Variants in PABIR3 observed in about 807,000 individuals in gnomAD.
The protein encoded by PABIR3 is PABIR family member 1.
A neutral mutation model predicts 23.1 loss-of-function variants in PABIR3; 20 were observed. The ratio of observed to expected loss-of-function variants is 0.86; its 90% confidence interval spans 0.61 to 1.26. PABIR3 has a LOEUF of 1.26. Ranked by LOEUF, PABIR3 falls within the 50% of genes most tolerant of loss-of-function variation. PABIR3 has a pLI of 0.00. For synonymous variants in PABIR3, 69 were observed against 68.5 expected, an observed-to-expected ratio of 1.01 and a Z score of -0.04; for missense variants, 189 against 195.4, an observed-to-expected ratio of 0.97 and a Z score of 0.20.
At chrX:134,848,553 A>G (rs2082515663) in intron 8 of PABIR3, among the ~76,000 whole-genome samples, 2 of 112,376 alleles carry the variant, frequency 1.8e-5, no homozygotes, top group East Asian at 2.8e-4. Flanking sequence ...CTAGAACTTT[A>G]AACAACTTCA....
intron 3 of PABIR3, 134 bp downstream of exon 3, chrX:134,814,983 G>C (rs1272190167): frequency 1.5e-5 from 7 of 464,441 alleles, no homozygotes; most frequent in Non-Finnish European, 2.5e-5. Flanking sequence ...TCACCCCCAG[G>C]GTTTCTGATT....
At chrX:134,820,171 A>G (rs1329153917) in intron 3 of PABIR3, among the ~76,000 whole-genome samples, 1 of 111,625 alleles carries the variant, frequency 9.0e-6, no homozygotes, top group African/African-American at 3.2e-5. Flanking sequence ...GTCGAGAAGG[A>G]TATCTATCAA....
intron 9 of PABIR3, among the ~76,000 whole-genome samples, chrX:134,850,312 T>C (rs2082587265): frequency 9.0e-6 from 1 of 111,564 alleles, no homozygotes; most frequent in Non-Finnish European, 1.9e-5. Flanking sequence ...AAATATGCTT[T>C]AATGTTCTTT....
intron 2 of PABIR3, chrX:134,810,174 T>G (rs1264344055): frequency 4.0e-6 from 3 of 752,745 alleles, no homozygotes. Flanking sequence ...TGGATCCTCT[T>G]TAATGTATTA....
At chrX:134,809,918 C>T (rs963078681) in intron 2 of PABIR3, 6 of 753,535 alleles carry the variant, frequency 8.0e-6, no homozygotes, top group Non-Finnish European at 9.4e-6. Flanking sequence ...AAAAAAAATA[C>T]ATTACCTTTT....
At chrX:134,827,907 A>G (rs1244123882) in intron 3 of PABIR3, among the ~76,000 whole-genome samples, 1 of 108,776 alleles carries the variant, frequency 9.2e-6, no homozygotes, top group Non-Finnish European at 1.9e-5. Context: ...CTGTTCTGCC[A>G]TTTGGCTGTG....
In PABIR3 at chrX:134,822,090, C is replaced by G. The variant is rs953859305; in HGVS notation, c.190-7136C>G. ...TCCCTAACCTCCCGCTACTTCTACT[C>G]CCAGCCACCTTCACACCATGACATC... is the stretch of plus-strand genomic sequence containing the variant. On this transcript the variant is annotated intron_variant, in intron 3 of 10. Coordinates refer to ENST00000645433, the MANE Select transcript of PABIR3 (RefSeq NM_001388447.1). 15 of 752,187 alleles carry G rather than the reference C, an allele frequency of 2.0e-5. No homozygotes were observed. In the African/African-American group the frequency reaches 2.8e-4, roughly 14 times the overall value. The allele number at this position is 752,187 out of a possible 1,213,427, so 62.0% of individuals were successfully genotyped here.
At chrX:134,802,010 C>G (rs918287466) in intron 1 of PABIR3, among the ~76,000 whole-genome samples, 1 of 109,245 alleles carries the variant, frequency 9.2e-6, no homozygotes, top group African/African-American at 3.3e-5. Context: ...GAACCACACT[C>G]TCTCGCCGCC....
At chrX:134,802,287 G>A (rs193145280), upstream of PABIR3, among the ~76,000 whole-genome samples, 33 of 111,179 alleles carry the variant, frequency 3.0e-4, no homozygotes, top group Middle Eastern at 4.6e-3. Context: ...GTTTCGCCAT[G>A]TTGGCCAGGC....
intron 9 of PABIR3, among the ~76,000 whole-genome samples, chrX:134,852,444 C>T (rs1362174451): frequency 9.0e-6 from 1 of 110,923 alleles, no homozygotes; most frequent in African/African-American, 3.3e-5. Flanking sequence ...CACTGCACTC[C>T]AGCCTGGGTG....
At chrX:134,847,615 CT>C (rs1039517585) in intron 7 of PABIR3, 140 bp downstream of exon 7, 2 of 480,586 alleles carry the variant, frequency 4.2e-6, no homozygotes, top group African/African-American at 4.8e-5. Context: ...TTTTTCCCTT[CT>C]TTTTCATTTC....
chrX:134,817,585 T>C (rs1018492056), intron 3 of PABIR3, among the ~76,000 whole-genome samples: 6 of 108,072 alleles, frequency 5.6e-5, no homozygotes, highest in African/African-American at 2.0e-4. Flanking sequence ...GTAGACAATA[T>C]TCCTGGTAGA....
chrX:134,844,177 G>A (rs1423563747), intron 4 of PABIR3: 2 of 110,399 alleles, frequency 1.8e-5, no homozygotes, highest in African/African-American at 6.6e-5. Flanking sequence ...CGCCTGCCTC[G>A]GCCTCACAAA....
intron 1 of PABIR3, among the ~76,000 whole-genome samples, chrX:134,798,937 C>A (rs967657108): frequency 8.9e-6 from 1 of 112,236 alleles, no homozygotes; most frequent in Admixed American, 9.4e-5. Flanking sequence ...AACAAACAAA[C>A]CCCACAACCA....
chrX:134,856,232 C>G (rs1375913242), downstream of PABIR3, among the ~76,000 whole-genome samples: 2 of 103,643 alleles, frequency 1.9e-5, no homozygotes, highest in African/African-American at 7.2e-5. Flanking sequence ...TATTGCCAGG[C>G]TGGAGTGCAG....
At chrX:134,814,195 C>T (rs1376321427) in intron 2 of PABIR3, among the ~76,000 whole-genome samples, 1 of 111,100 alleles carries the variant, frequency 9.0e-6, no homozygotes, top group Non-Finnish European at 1.9e-5. Context: ...CAGGTTTACA[C>T]TGAAAATGAT....
At chrX:134,817,051 G>C (rs1280914116) in intron 3 of PABIR3, among the ~76,000 whole-genome samples, 1 of 111,477 alleles carries the variant, frequency 9.0e-6, no homozygotes, top group South Asian at 3.8e-4. Flanking sequence ...GTGCATGCCT[G>C]TAATCCCAGC....
chrX:134,818,934 C>CTTTTTTTT (rs1216993828), intron 3 of PABIR3, among the ~76,000 whole-genome samples: 25 of 77,050 alleles, frequency 3.2e-4, no homozygotes, highest in Non-Finnish European at 4.2e-4. Flanking sequence ...TTTTTTCTTT[C>CTTTTTTTT]TTTTTTTTTT....
upstream of PABIR3, chrX:134,807,061 G>A (rs1483267112): frequency 2.2e-5 from 11 of 491,901 alleles, no homozygotes; most frequent in Admixed American, 4.5e-4. Flanking sequence ...AAGGAGGGCA[G>A]GACATGGGGA....
Sources: gnomAD v4.1 joint callset for allele counts (sites outside exome capture counted in the v4.1 genomes callset) on GRCh38, gnomAD v4.1.1 for gene constraint, MANE v1.5 for transcripts, NCBI Gene and HGNC (gene_info 2026-07-23, HGNC 2026-07-21) for gene names.